Variants in NXN observed in about 807,000 individuals in gnomAD.
NXN encodes the protein nucleoredoxin 1.
NXN carries 16 observed loss-of-function variants against 48.6 expected under a neutral mutation model. The ratio of observed to expected loss-of-function variants is 0.33; its 90% CI spans 0.22 to 0.50. The LOEUF is 0.50. NXN is among the 20% of genes least tolerant of loss of function. The pLI, the probability that NXN is intolerant of heterozygous loss-of-function variation, is 0.98. For missense variants in NXN, 492 were observed against 605.5 expected, an observed-to-expected ratio of 0.81 and a Z score of 1.97; for synonymous variants, 281 against 269.6, an observed-to-expected ratio of 1.04 and a Z score of -0.41.
intron 1 of NXN, 148 bp downstream of exon 1, chr17:979,171 G>A (rs1415048368): frequency 8.1e-6 from 2 of 247,920 alleles, no homozygotes; most frequent in East Asian, 2.2e-4. Flanking sequence ...GGGTCGGGGG[G>A]CGGGGGACTG....
intron 1 of NXN, among the ~76,000 whole-genome samples, chr17:889,747 G>GAA (rs774616443): frequency 8.7e-4 from 69 of 79,712 alleles, no homozygotes; most frequent in African/African-American, 3.3e-3. Flanking sequence ...AAGAAAGAAA[G>GAA]AAAGAAAGAA....
At chr17:937,545 AC>A (rs1420965257) in intron 1 of NXN, among the ~76,000 whole-genome samples, 1 of 152,196 alleles carries the variant, frequency 6.6e-6, no homozygotes, top group Non-Finnish European at 1.5e-5. Flanking sequence ...AGGAACGCAC[AC>A]TTCTCCGAGG....
At chr17:828,942 G>A (rs543494809) in intron 1 of NXN, among the ~76,000 whole-genome samples, 2 of 151,946 alleles carry the variant, frequency 1.3e-5, no homozygotes, top group African/African-American at 4.8e-5. Context: ...GAAAAAAGTC[G>A]GGAAACAGCA....
chr17:806,972 C>A (rs965357495), intron 5 of NXN, among the ~76,000 whole-genome samples: 1 of 152,146 alleles, frequency 6.6e-6, no homozygotes, highest in African/African-American at 2.4e-5. Context: ...ACACATGCGG[C>A]CGGCTCTCAC....
In NXN at chr17:839,172, C is replaced by T. The variant is rs370461192; in HGVS notation, c.361-13094G>A. On this transcript the variant is annotated intron_variant, in intron 1 of 7. Coordinates refer to ENST00000336868, the MANE Select transcript of NXN (RefSeq NM_022463.5). The stretch of plus-strand genomic sequence containing the variant: ...GCGTCAGGCCGGACGCGGTGGCTCA[C>T]GCCTGGAATCCCAGCATTTTGGGAG... 1.1e-4 allele frequency among the ~76,000 whole-genome samples: 17 copies of T among 152,302 alleles called. 1 individual carries two copies. The highest frequency in any genetic ancestry group is 5.9e-4 in the Admixed American group (9 of 15,286).
chr17:840,619 G>C (rs567055991), intron 1 of NXN, among the ~76,000 whole-genome samples: 1 of 152,028 alleles, frequency 6.6e-6, no homozygotes, highest in African/African-American at 2.4e-5. Context: ...GATTACAGGC[G>C]TGAGCCACCG....
chr17:809,582 G>C (rs1331408410), intron 5 of NXN, among the ~76,000 whole-genome samples: 1 of 152,188 alleles, frequency 6.6e-6, no homozygotes, highest in Non-Finnish European at 1.5e-5. Context: ...ATGGCAACGT[G>C]ATCTGAGGCA....
intron 1 of NXN, among the ~76,000 whole-genome samples, chr17:877,582 C>T (rs992985017): frequency 5.9e-5 from 9 of 152,126 alleles, no homozygotes; most frequent in African/African-American, 2.2e-4. Flanking sequence ...AGGCCCAGCC[C>T]CATACGGAAG....
chr17:944,044 C>T (rs2069014263), intron 1 of NXN, among the ~76,000 whole-genome samples: 1 of 151,972 alleles, frequency 6.6e-6, no homozygotes, highest in Non-Finnish European at 1.5e-5. Context: ...TCGAGACCAG[C>T]CTGGCCAACA....
At chr17:817,480 C>T (rs922100904) in intron 5 of NXN, among the ~76,000 whole-genome samples, 70 of 151,508 alleles carry the variant, frequency 4.6e-4, no homozygotes, top group East Asian at 9.7e-4. Context: ...CCATCCTGGC[C>T]AACATGGTGA....
chr17:944,210 G>T (rs2069016523), intron 1 of NXN, among the ~76,000 whole-genome samples: 1 of 152,206 alleles, frequency 6.6e-6, no homozygotes, highest in African/African-American at 2.4e-5. Flanking sequence ...CTGCACTCCA[G>T]CCTGGAAAAC....
At chr17:852,799 C>T (rs1014190206) in intron 1 of NXN, among the ~76,000 whole-genome samples, 21 of 152,218 alleles carry the variant, frequency 1.4e-4, no homozygotes, top group African/African-American at 5.1e-4. Context: ...GCACAAATCG[C>T]AAATTGGGAA....
chr17:840,012 G>A (rs937732978), intron 1 of NXN, among the ~76,000 whole-genome samples: 1 of 150,084 alleles, frequency 6.7e-6, no homozygotes, highest in African/African-American at 2.5e-5. Flanking sequence ...CAGGAGAATT[G>A]CTTTAACCCA....
rs374990044 is a variant in NXN, at chr17:807,101, G to A, written c.821-1854C>T. 3.9e-5 allele frequency among the ~76,000 whole-genome samples: 6 copies of A among 152,308 alleles called. No homozygotes were observed. The East Asian group carries it at 9.7e-4, about 25-fold the overall frequency. On this transcript the variant is annotated intron_variant, in intron 5 of 7. Transcript: ENST00000336868. Reference sequence around the variant, plus strand: ...GGCTGCATTTTATCCCCTGAGGCCGGGGTCCATGCCCGCTGTGTCCATCCA... The same window carrying A: ...GGCTGCATTTTATCCCCTGAGGCCGAGGTCCATGCCCGCTGTGTCCATCCA...
intron 1 of NXN, among the ~76,000 whole-genome samples, chr17:844,729 C>T (rs1179052612): frequency 6.6e-6 from 1 of 152,048 alleles, no homozygotes; most frequent in Non-Finnish European, 1.5e-5. Flanking sequence ...GGATTACAGG[C>T]ACCTGCCACC....
intron 1 of NXN, among the ~76,000 whole-genome samples, chr17:918,135 C>G (rs1270502727): frequency 2.6e-5 from 4 of 152,100 alleles, no homozygotes; most frequent in African/African-American, 9.7e-5. Flanking sequence ...ACAAAAGAAA[C>G]ACGAGAACAC....
chr17:809,743 C>T (rs1426107398), intron 5 of NXN, among the ~76,000 whole-genome samples: 7 of 111,204 alleles, frequency 6.3e-5, no homozygotes, highest in South Asian at 6.3e-4. Flanking sequence ...CATAGCGACA[C>T]GGCAAATTTT....
At chr17:845,457 T>G (rs1263305498) in intron 1 of NXN, among the ~76,000 whole-genome samples, 3 of 152,076 alleles carry the variant, frequency 2.0e-5, no homozygotes, top group African/African-American at 7.2e-5. Flanking sequence ...GGACTCAACA[T>G]CAGAGAGAGA....
At chr17:918,389 C>T (rs1332655021) in intron 1 of NXN, among the ~76,000 whole-genome samples, 2 of 152,216 alleles carry the variant, frequency 1.3e-5, no homozygotes, top group Non-Finnish European at 2.9e-5. Context: ...AGCGTTTCAT[C>T]TCCTTCGTGA....
Sources: allele counts gnomAD v4.1 joint callset (sites outside exome capture counted in the v4.1 genomes callset), GRCh38; gene constraint gnomAD v4.1.1; transcripts MANE v1.5; gene names NCBI Gene and HGNC (gene_info 2026-07-23, HGNC 2026-07-21).